The following SRRM3 variants were observed in gnomAD, a reference collection of about 807,000 sequenced individuals.
The protein encoded by SRRM3 is serine/arginine repetitive matrix 3.
A neutral mutation model predicts 66.2 loss-of-function variants in SRRM3; 27 were observed. The observed-to-expected ratio is 0.41, with a 90% CI of 0.30 to 0.56. The LOEUF is 0.56. SRRM3 is among the 20% of genes least tolerant of loss of function. SRRM3 has a pLI of 0.32. For missense variants in SRRM3, 918 were observed against 991.9 expected (o/e 0.93, Z 1.00); for synonymous variants, 391 against 414.9 (o/e 0.94, Z 0.70).
Position 76,275,497 on chromosome 7 carries a change from C to CAA in SRRM3, c.1009-5925_1009-5924dup, listed in dbSNP as rs35985626. Among the ~76,000 whole-genome samples, 265 of 70,896 alleles carry CAA rather than the reference C, an allele frequency of 3.7e-3. 3 individuals carry two copies. Among genetic ancestry groups the CAA allele is most frequent in the African/African-American group, 0.01 (222 of 21,190 alleles). The allele number at this position is 70,896 out of a possible 152,430, so 46.5% of individuals were successfully genotyped here. Reference sequence around the variant, plus strand: ...GAGCGAGACTCAGTCCCTGCTCCCTCAAAAAAAAAAAAAAAAAAAAGAAAA... The same window carrying CAA: ...GAGCGAGACTCAGTCCCTGCTCCCTCAAAAAAAAAAAAAAAAAAAAAAGAAAA... On this transcript the variant is annotated intron_variant, in intron 11 of 14. Transcript: ENST00000611745.
intron 1 of SRRM3, among the ~76,000 whole-genome samples, chr7:76,209,718 C>G (rs1466451317): frequency 6.6e-6 from 1 of 151,886 alleles, no homozygotes; most frequent in African/African-American, 2.4e-5. Context: ...TATTCTCTTG[C>G]CTCAGCCTTC....
chr7:76,219,467 C>G (rs1335644357), intron 1 of SRRM3, among the ~76,000 whole-genome samples: 1 of 152,222 alleles, frequency 6.6e-6, no homozygotes. Context: ...AGCCGGCTTT[C>G]TCTTTGATCT....
In SRRM3 at chr7:76,235,107, C is replaced by G; in HGVS notation, c.41C>G (p.Ser14Cys). ...AACAACGGGGCGGCCAGCATGCAGT[C>G]CACACCCGACGCCGCGAACGGCTTC... ...TVNNGAASMQ[S>C]TPDAANGFPQ... is the part of the protein sequence containing the mutation. Residue 14 changes from serine to cysteine, a missense_variant, in exon 2 of 15, where the codon TCC becomes TGC. By Grantham distance (112) the Ser-to-Cys change is moderately radical. Transcript: ENST00000611745. The G allele has an allele frequency of 6.3e-7, 1 of 1,587,770 alleles. No homozygotes were observed. Among genetic ancestry groups the G allele is most frequent in the Non-Finnish European group, 8.5e-7 (1 of 1,172,234 alleles).
At chr7:76,217,929 G>C (rs1337370119) in intron 1 of SRRM3, among the ~76,000 whole-genome samples, 3 of 152,172 alleles carry the variant, frequency 2.0e-5, no homozygotes, top group African/African-American at 7.2e-5. Context: ...TTTGACTAAG[G>C]TCTGCAAAAT....
chr7:76,275,110 A>C (rs529700066), intron 11 of SRRM3, among the ~76,000 whole-genome samples: 76 of 151,326 alleles, frequency 5.0e-4, no homozygotes, highest in African/African-American at 1.8e-3. Context: ...AGTCTCAAAA[A>C]AAAAAAAAAA....
intron 1 of SRRM3, among the ~76,000 whole-genome samples, chr7:76,210,707 G>A (rs2116935893): frequency 6.6e-6 from 1 of 152,166 alleles, no homozygotes; most frequent in East Asian, 1.9e-4. Context: ...GATCACACCT[G>A]TAAATAGCCC....
chr7:76,234,616 G>A (rs959575774), intron 1 of SRRM3, among the ~76,000 whole-genome samples: 1 of 152,098 alleles, frequency 6.6e-6, no homozygotes, highest in African/African-American at 2.4e-5. Context: ...GGCCTGGTGT[G>A]TGCGTAAACA....
chr7:76,221,997 G>A (rs1800735288), intron 1 of SRRM3, among the ~76,000 whole-genome samples: 1 of 152,190 alleles, frequency 6.6e-6, no homozygotes, highest in South Asian at 2.1e-4. Context: ...TAAGAAAGAG[G>A]TTAAGTCACT....
intron 2 of SRRM3, among the ~76,000 whole-genome samples, chr7:76,240,890 G>A (rs1801278369): frequency 1.3e-5 from 2 of 151,660 alleles, no homozygotes; most frequent in Non-Finnish European, 2.9e-5. Flanking sequence ...CCTTGACGTT[G>A]TTTTTTTGGT....
At chr7:76,269,235 C>A (rs1452780672) in intron 11 of SRRM3, 1 of 152,242 alleles carries the variant, frequency 6.6e-6, no homozygotes, top group Non-Finnish European at 1.5e-5. Context: ...TTTGGCACAG[C>A]CCTGGGAGTT....
chr7:76,251,304 C>A (rs1427003276), intron 3 of SRRM3, among the ~76,000 whole-genome samples: 1 of 152,076 alleles, frequency 6.6e-6, no homozygotes, highest in Non-Finnish European at 1.5e-5. Context: ...CAGACATGAT[C>A]AGGAGTAAAC....
At chr7:76,273,790 A>G (rs571909845) in intron 11 of SRRM3, among the ~76,000 whole-genome samples, 140 of 152,156 alleles carry the variant, frequency 9.2e-4, no homozygotes, top group Middle Eastern at 3.4e-3. Context: ...CTACAAAGCT[A>G]TGTTTCCTGG....
chr7:76,252,739 G>C (rs1383105617), intron 3 of SRRM3, among the ~76,000 whole-genome samples: 2 of 152,178 alleles, frequency 1.3e-5, no homozygotes, highest in African/African-American at 4.8e-5. Flanking sequence ...AAAAGGTCTT[G>C]ACATCATAGG....
chr7:76,245,549 T>G (rs1801419731), intron 2 of SRRM3, among the ~76,000 whole-genome samples: 2 of 152,202 alleles, frequency 1.3e-5, no homozygotes, highest in Admixed American at 6.5e-5. Flanking sequence ...GAGAATATAG[T>G]ATCCATCCCC....
chr7:76,253,827 G>C (rs1801641683), intron 3 of SRRM3, among the ~76,000 whole-genome samples: 1 of 147,518 alleles, frequency 6.8e-6, no homozygotes, highest in South Asian at 2.1e-4. Context: ...TGTTCTTAGT[G>C]ACAGTGTCAT....
chr7:76,218,117 T>C (rs1225135789), intron 1 of SRRM3, among the ~76,000 whole-genome samples: 2 of 152,164 alleles, frequency 1.3e-5, no homozygotes, highest in East Asian at 1.9e-4. Flanking sequence ...GGTGTGAGCC[T>C]GGAGCGGGGG....
intron 2 of SRRM3, 41 bp downstream of exon 2, chr7:76,235,340 C>G: frequency 2.6e-6 from 3 of 1,165,926 alleles, no homozygotes; most frequent in East Asian, 3.7e-5. Flanking sequence ...GGGAGATAGG[C>G]GGGGCGAGGG....
In SRRM3 at chr7:76,281,218, C is replaced by G. The variant is rs544250408; in HGVS notation, c.1009-223C>G. Among the ~76,000 whole-genome samples the G allele has an allele frequency of 1.6e-3, 237 of 151,434 alleles. 1 individual carries two copies. Among genetic ancestry groups the G allele is most frequent in the Non-Finnish European group, 3.0e-3 (204 of 67,842 alleles). ...TCTCCTGTCTCTCTTCATTCTCTCT[C>G]TCCGTCTCTTTTTCTCTGTCTCTCG... On this transcript the variant is annotated intron_variant, in intron 11 of 14. Coordinates refer to ENST00000611745, the MANE Select transcript of SRRM3 (RefSeq NM_001110199.3).
intron 1 of SRRM3, among the ~76,000 whole-genome samples, chr7:76,219,832 C>T (rs1554602994): frequency 6.6e-6 from 1 of 152,118 alleles, no homozygotes; most frequent in African/African-American, 2.4e-5. Flanking sequence ...ATGGCTGGAA[C>T]CCAGGAGGTG....
Sources: allele counts gnomAD v4.1 joint callset (sites outside exome capture counted in the v4.1 genomes callset), GRCh38; gene constraint gnomAD v4.1.1; transcripts MANE v1.5; gene names NCBI Gene and HGNC (gene_info 2026-07-23, HGNC 2026-07-21).